PTPRT: variants seen among roughly 807,000 people sequenced by gnomAD.
The protein encoded by PTPRT is protein tyrosine phosphatase receptor type T.
A neutral mutation model predicts 176.8 loss-of-function variants in PTPRT; 56 were observed. The observed-to-expected ratio is 0.32, with a 90% CI of 0.26 to 0.40. The LOEUF is 0.40. Among genes scored for constraint, PTPRT ranks in the 10% least tolerant of loss-of-function variants. The probability of loss-of-function intolerance (pLI) is 1.00; values close to 1 mark genes in which losing one functional copy is unlikely to be tolerated. For missense variants in PTPRT, 1,540 were observed against 1,908.2 expected, an observed-to-expected ratio of 0.81 and a Z score of 3.60; for synonymous variants, 783 against 739.0, an observed-to-expected ratio of 1.06 and a Z score of -0.96.
At chr20:43,115,830 T>A (rs1482324711) in intron 1 of PTPRT, among the ~76,000 whole-genome samples, 4 of 152,212 alleles carry the variant, frequency 2.6e-5, no homozygotes, top group Non-Finnish European at 5.9e-5. Flanking sequence ...CAGTGAGCTC[T>A]GCTTTTCTCA....
chr20:42,385,743 G>C (rs952276764), intron 9 of PTPRT, among the ~76,000 whole-genome samples: 4 of 152,130 alleles, frequency 2.6e-5, no homozygotes, highest in African/African-American at 9.7e-5. Context: ...AAGAGAGCTT[G>C]TGCAGGGGGA....
At chr20:42,854,673 GA>G (rs916386925) in intron 2 of PTPRT, among the ~76,000 whole-genome samples, 2 of 152,282 alleles carry the variant, frequency 1.3e-5, no homozygotes, top group African/African-American at 2.4e-5. Context: ...ATCACTGGGG[GA>G]AAAAATTCTG....
chr20:43,107,568 T>C (rs1366902145), intron 1 of PTPRT, among the ~76,000 whole-genome samples: 1 of 152,236 alleles, frequency 6.6e-6, no homozygotes, highest in Non-Finnish European at 1.5e-5. Flanking sequence ...ATCAGCCTCC[T>C]GGTTAATGTC....
chr20:42,767,977 T>TACACAC (rs35599788), intron 5 of PTPRT, among the ~76,000 whole-genome samples: 1,909 of 125,212 alleles, frequency 0.015, 31 homozygotes, highest in Middle Eastern at 0.037. Context: ...TATAAAATTA[T>TACACAC]ACACACACAC....
the PTPRT span, among the ~76,000 whole-genome samples, chr20:42,048,813 T>TTTTTG: frequency 2.0e-5 from 3 of 152,262 alleles, no homozygotes; most frequent in African/African-American, 4.8e-5. Context: ...TACTAAGTTT[T>TTTTTG]TTTTGTTTTG....
chr20:42,350,786 C>T lies in PTPRT; in HGVS notation c.1763-56G>A. On this transcript the variant is annotated intron_variant, in intron 10 of 30. Coordinates refer to ENST00000373187, the MANE Select transcript of PTPRT (RefSeq NM_007050.6). ...TCAGCACAGATTCCCAACTGGCTCC[C>T]CACCGCCCCTTGCTGCCATCCTTAA... 6 of 1,303,380 alleles carry T rather than the reference C, an allele frequency of 4.6e-6. No homozygotes were observed. The South Asian group carries it at 7.1e-5, about 15-fold the overall frequency. 80.7% of individuals were successfully genotyped at this position (1,303,380 alleles called of 1,614,324 possible).
intron 7 of PTPRT, among the ~76,000 whole-genome samples, chr20:42,589,403 T>C (rs992224849): frequency 6.6e-6 from 1 of 152,194 alleles, no homozygotes; most frequent in East Asian, 1.9e-4. Flanking sequence ...CAAGTTCCGT[T>C]CTTCAATTTG....
intron 12 of PTPRT, among the ~76,000 whole-genome samples, chr20:42,285,438 A>C (rs1034859802): frequency 2.0e-4 from 31 of 152,184 alleles, no homozygotes; most frequent in African/African-American, 7.2e-4. Flanking sequence ...TGAGGCTAAT[A>C]CTGCTGAGAG....
At chr20:42,195,178 C>T (rs988525627) in intron 16 of PTPRT, among the ~76,000 whole-genome samples, 1 of 152,086 alleles carries the variant, frequency 6.6e-6, no homozygotes, top group African/African-American at 2.4e-5. Flanking sequence ...AAAGAAAACC[C>T]CAGAAAATAA....
At chr20:42,311,762 T>C (rs1379483540) in intron 12 of PTPRT, among the ~76,000 whole-genome samples, 1 of 152,170 alleles carries the variant, frequency 6.6e-6, no homozygotes, top group African/African-American at 2.4e-5. Flanking sequence ...ATTTTCATGT[T>C]TACTTATAGT....
intron 1 of PTPRT, among the ~76,000 whole-genome samples, chr20:43,115,934 T>A (rs2146349825): frequency 6.6e-6 from 1 of 152,312 alleles, no homozygotes. Context: ...CATGACTTTG[T>A]CCTCAAATAA....
intron 1 of PTPRT, among the ~76,000 whole-genome samples, chr20:43,087,161 G>A (rs1239425340): frequency 6.6e-6 from 1 of 151,972 alleles, no homozygotes; most frequent in East Asian, 1.9e-4. Flanking sequence ...TGTCTCTATA[G>A]TTTTTTCTTT....
intron 18 of PTPRT, among the ~76,000 whole-genome samples, chr20:42,138,425 G>A (rs895461722): frequency 1.3e-5 from 2 of 152,162 alleles, no homozygotes. Context: ...CCCCTCCTAC[G>A]GAATCCTTCC....
chr20:42,350,824 G>A, intron 10 of PTPRT, 94 bp from the exon 11 acceptor site: 1 of 924,880 alleles, frequency 1.1e-6, no homozygotes, highest in East Asian at 2.4e-5. Context: ...ACACAGCATG[G>A]ATAGAGGGAG....
At position 42,707,363 on chromosome 20, in the gene PTPRT, G is replaced by T. The variant is rs768626959; in HGVS notation, c.860-29204C>A. Among the ~76,000 whole-genome samples the T allele has an allele frequency of 5.9e-5, 9 of 152,126 alleles. No homozygotes were observed. In the South Asian group the frequency reaches 1.9e-3, roughly 31 times the overall value. On this transcript the variant is annotated intron_variant, in intron 6 of 30. Transcript: ENST00000373187. ...TGCCGAGATAGCATTCCCATGAGTAGGTTATGTTACATGGCACCCTTGACT... is the reference window on the plus strand; with the variant it reads ...TGCCGAGATAGCATTCCCATGAGTATGTTATGTTACATGGCACCCTTGACT...
Position 42,118,497 on chromosome 20 carries a change from G to A in PTPRT, c.2888C>T (p.Pro963Leu), listed in dbSNP as rs752831315. 4 of 1,606,048 alleles carry A rather than the reference G, an allele frequency of 2.5e-6. No homozygotes were observed. The highest frequency in any genetic ancestry group is 1.1e-5 in the South Asian group (1 of 89,804). Residue 963 changes from proline to leucine, a missense_variant, in exon 21 of 31, where the codon CCG becomes CTG. This residue lies in a region of PTPRT where 248 missense variants were observed against 356.7 expected (regional missense o/e 0.70). Coordinates refer to ENST00000373187, the MANE Select transcript of PTPRT (RefSeq NM_007050.6). ...AAAGTCCTTTACAGTCTCCTGCATC[G>A]GACCTGCCAACAGAGAAGACAGTGA... is the stretch of plus-strand genomic sequence containing the variant. ...RPRHYIATQG[P>L]MQETVKDFWR...
chr20:42,892,116 T>A (rs2079203583), intron 1 of PTPRT, among the ~76,000 whole-genome samples: 1 of 152,198 alleles, frequency 6.6e-6, no homozygotes, highest in African/African-American at 2.4e-5. Flanking sequence ...AAATGAAAAC[T>A]TGTCATCAGA....
chr20:42,967,683 C>T (rs1216012922), intron 1 of PTPRT, among the ~76,000 whole-genome samples: 1 of 151,334 alleles, frequency 6.6e-6, no homozygotes, highest in Admixed American at 6.6e-5. Context: ...ATTCACCAGC[C>T]CCCTAATACC....
chr20:43,002,090 A>T (rs956657420), intron 1 of PTPRT, among the ~76,000 whole-genome samples: 10 of 151,300 alleles, frequency 6.6e-5, no homozygotes, highest in African/African-American at 2.4e-4. Context: ...TGATGGTTTT[A>T]AAAGTGGCCA....
Sources: allele counts gnomAD v4.1 joint callset (sites outside exome capture counted in the v4.1 genomes callset), GRCh38; gene constraint gnomAD v4.1.1; regional missense constraint gnomAD v4.1.1; transcripts MANE v1.5; gene names NCBI Gene and HGNC (gene_info 2026-07-23, HGNC 2026-07-21).